CREBBP: variants seen among roughly 807,000 people sequenced by gnomAD.
CREBBP encodes the protein CREB binding lysine acetyltransferase.
Under a neutral mutation model 265.0 loss-of-function variants are expected in CREBBP, and 19 were observed. The ratio of observed to expected loss-of-function variants is 0.07; its 90% CI spans 0.05 to 0.11. The LOEUF (loss-of-function observed/expected upper bound fraction) is 0.11. Ranked by LOEUF, CREBBP falls within the 10% of genes least tolerant of loss-of-function variation. The pLI is 1.00. For missense variants in CREBBP, 2,525 were observed against 3,219.0 expected (o/e 0.78, Z 5.22); for synonymous variants, 1,457 against 1,223.7 (o/e 1.19, Z -3.98).
chr16:3,870,658 A>C (rs2055274946), intron 1 of CREBBP, among the ~76,000 whole-genome samples: 1 of 152,230 alleles, frequency 6.6e-6, no homozygotes, highest in African/African-American at 2.4e-5. Flanking sequence ...CTGAAAGCCA[A>C]ACAGGCAGGG....
At chr16:3,826,093 G>A (rs1047885281) in intron 2 of CREBBP, among the ~76,000 whole-genome samples, 1 of 152,168 alleles carries the variant, frequency 6.6e-6, no homozygotes, top group Admixed American at 6.5e-5. Context: ...TGAGCCTGTA[G>A]TCCCAGCTCC....
intron 2 of CREBBP, among the ~76,000 whole-genome samples, chr16:3,835,178 CA>C (rs1449334224): frequency 6.6e-6 from 1 of 151,716 alleles, no homozygotes; most frequent in Non-Finnish European, 1.5e-5. Flanking sequence ...ACAAAACAAA[CA>C]AACAAAAAAG....
Position 3,728,064 on chromosome 16 carries a change from G to A in CREBBP, c.6983C>T (p.Ser2328Leu), listed in dbSNP as rs1567259787. The A allele has an allele frequency of 3.7e-6, 6 of 1,613,808 alleles. No homozygotes were observed. Among genetic ancestry groups the A allele is most frequent in the Admixed American group, 1.7e-5 (1 of 60,022 alleles). ...QHMLSGQPQA[S>L]HLPGQQIATS... ...GGCGATCTGCTGGCCAGGGAGATGCGAGGCCTGTGGCTGTCCTGAGAGCAT... is the reference window on the plus strand; with the variant it reads ...GGCGATCTGCTGGCCAGGGAGATGCAAGGCCTGTGGCTGTCCTGAGAGCAT... The change falls in exon 31 of 31, where the codon TCG becomes TTG. Residue 2328 changes from serine (S) to leucine (L), a missense_variant. Transcript: ENST00000262367. The surrounding 1 kb of genome is among the most constrained non-coding windows in gnomAD (Gnocchi z 8.7).
chr16:3,725,558 C>T lies in CREBBP; in HGVS notation c.*2160G>A. 4.3e-6 allele frequency: 1 copy of T among 233,338 alleles called. No homozygotes were observed. The highest frequency in any genetic ancestry group is 8.5e-6 in the Non-Finnish European group (1 of 118,078). The allele number at this position is 233,338 out of a possible 1,614,324, so 14.5% of individuals were successfully genotyped here. A position where few individuals can be genotyped will look rare whatever the true frequency, so the allele number is the denominator to read the frequency against. On this transcript the variant is annotated 3_prime_UTR_variant, in exon 31 of 31. Coordinates refer to ENST00000262367, the MANE Select transcript of CREBBP (RefSeq NM_004380.3). Reference sequence around the variant, plus strand: ...CAGCAGGCCGAGCAGTGGCAGCAATCTCCACCGGAGGCCCGGCCTGTGCTT... The same window carrying T: ...CAGCAGGCCGAGCAGTGGCAGCAATTTCCACCGGAGGCCCGGCCTGTGCTT...
chr16:3,815,249 G>C (rs1227984435), intron 2 of CREBBP, among the ~76,000 whole-genome samples: 1 of 152,106 alleles, frequency 6.6e-6, no homozygotes, highest in East Asian at 1.9e-4. Context: ...ACAGGTACTT[G>C]ATAATAGTTT....
chr16:3,729,578 G>A lies in CREBBP; in HGVS notation c.5469C>T (p.Ile1823=), dbSNP rs757233262. ...GCTTGGCGTGGTAGCAGCAGAGGGC[G>A]ATGAGCTGCTTGCACACCGGGCAGC... ...NGGCPVCKQL[I]ALCCYHAKHC... Residue 1823 remains isoleucine, a synonymous_variant, in exon 31 of 31, where the codon ATC becomes ATT. Coordinates refer to ENST00000262367, the MANE Select transcript of CREBBP (RefSeq NM_004380.3). The A allele has an allele frequency of 9.3e-6, 15 of 1,614,188 alleles. No homozygotes were observed. The South Asian group carries it at 1.1e-4, about 12-fold the overall frequency.
chr16:3,812,015 T>C (rs187311825), intron 2 of CREBBP, among the ~76,000 whole-genome samples: 66 of 151,858 alleles, frequency 4.3e-4, no homozygotes, highest in African/African-American at 1.6e-3. Flanking sequence ...AACCCCTGAG[T>C]TGCTTAAGGG....
rs1363822887 is a variant in CREBBP, at chr16:3,731,724, T to C, written c.4890+52A>G. 2.5e-6 allele frequency: 4 copies of C among 1,612,370 alleles called. No individual in the cohort carries two copies. The highest frequency in any genetic ancestry group is 2.2e-5 in the East Asian group (1 of 44,882). ...GGCCCACGCCCGCCAGCTGCGAGTC[T>C]TTCCCTCCTCCCGGCCAGAGGCACG... On this transcript the variant is annotated intron_variant, in intron 29 of 30. Coordinates refer to ENST00000262367, the MANE Select transcript of CREBBP (RefSeq NM_004380.3). This position sits in a 1 kb window ranked among gnomAD's most constrained non-coding sequence, Gnocchi z 7.7.
Position 3,868,435 on chromosome 16 carries a change from AAC to A in CREBBP, c.85+11395_85+11396del, listed in dbSNP as rs1211048466. Among the ~76,000 whole-genome samples, 2 of 129,314 alleles carry A rather than the reference AAC, an allele frequency of 1.5e-5. 1 individual carries two copies. Among genetic ancestry groups the A allele is most frequent in the Non-Finnish European group, 3.6e-5 (2 of 55,178 alleles). The allele number at this position is 129,314 out of a possible 152,430, so 84.8% of individuals were successfully genotyped here. A position where few individuals can be genotyped will look rare whatever the true frequency, so the allele number is the denominator to read the frequency against. On this transcript the variant is annotated intron_variant, in intron 1 of 30. Transcript: ENST00000262367. ...CTACAGACCTGAACTTGGATGAAAA[AAC>A]ACACCTTGAAAAAGCTAATCTAGAC...
chr16:3,875,362 A>G (rs1015372626), intron 1 of CREBBP, among the ~76,000 whole-genome samples: 1 of 152,200 alleles, frequency 6.6e-6, no homozygotes, highest in African/African-American at 2.4e-5. Flanking sequence ...AAAAGTCTCT[A>G]TGACAACTTT....
intron 2 of CREBBP, among the ~76,000 whole-genome samples, chr16:3,840,103 T>C (rs1381541708): frequency 6.6e-6 from 1 of 152,242 alleles, no homozygotes; most frequent in Non-Finnish European, 1.5e-5. Flanking sequence ...AGTTTCATTC[T>C]ACAAACTATT....
At chr16:3,732,751 A>G (rs2151321528) in intron 28 of CREBBP, among the ~76,000 whole-genome samples, 1 of 151,840 alleles carries the variant, frequency 6.6e-6, no homozygotes, top group South Asian at 2.1e-4. Context: ...CCCAAGCTGA[A>G]GTGCAATAAC....
intron 16 of CREBBP, among the ~76,000 whole-genome samples, chr16:3,759,230 T>C (rs1317310443): frequency 2.0e-5 from 3 of 152,160 alleles, no homozygotes; most frequent in East Asian, 1.9e-4. Context: ...CATTAAAAAC[T>C]TGGCTGAAAA....
chr16:3,820,148 C>T (rs1276280619), intron 2 of CREBBP, among the ~76,000 whole-genome samples: 5 of 152,206 alleles, frequency 3.3e-5, no homozygotes, highest in South Asian at 4.1e-4. Context: ...CCCCAGACTA[C>T]GGCCAGATCA....
At position 3,745,244 on chromosome 16, in the gene CREBBP, GAACTGCCCTCCAGGCC is replaced by G. The variant is rs766055737; in HGVS notation, c.3914+17_3914+32del. 1.9e-6 allele frequency: 3 copies of G among 1,598,818 alleles called. No individual in the cohort carries two copies. Among genetic ancestry groups the G allele is most frequent in the Non-Finnish European group, 2.6e-6 (3 of 1,168,680 alleles). ...ACTGCCCCGCCACTGGCTCTGTGCA[GAACTGCCCTCCAGGCC>G]AGGGGAAACAACTCACCCTGAAGGC... is the stretch of plus-strand genomic sequence containing the variant. On this transcript the variant is annotated intron_variant, in intron 22 of 30. Transcript: ENST00000262367.
intron 1 of CREBBP, among the ~76,000 whole-genome samples, chr16:3,852,978 A>G (rs2054884751): frequency 6.6e-6 from 1 of 152,012 alleles, no homozygotes; most frequent in Non-Finnish European, 1.5e-5. Flanking sequence ...AAAAAAAAAA[A>G]AAAGCACAAA....
rs2051708799 is a variant in CREBBP, at chr16:3,725,107, G to A, written c.*2611C>T. On this transcript the variant is annotated 3_prime_UTR_variant, in exon 31 of 31. Coordinates refer to ENST00000262367, the MANE Select transcript of CREBBP (RefSeq NM_004380.3). ...TATTATAAACACCATCACATTTCAA[G>A]TTTCCTCTTTTTGATCACAAATATA... The A allele has an allele frequency of 4.3e-6, 1 of 233,172 alleles. No individual in the cohort carries two copies. The highest frequency in any genetic ancestry group is 8.5e-6 in the Non-Finnish European group (1 of 117,808). The allele number at this position is 233,172 out of a possible 1,614,324, so 14.4% of individuals were successfully genotyped here. A position where few individuals can be genotyped will look rare whatever the true frequency, so the allele number is the denominator to read the frequency against.
chr16:3,842,655 CAG>C (rs1216461172), intron 2 of CREBBP, among the ~76,000 whole-genome samples: 1 of 151,922 alleles, frequency 6.6e-6, no homozygotes, highest in Non-Finnish European at 1.5e-5. Context: ...TAAATATTTT[CAG>C]AGTCACATAA....
rs2151354042 is a variant in CREBBP, at chr16:3,744,928, G to A, written c.3948C>T (p.Gly1316=). 6.2e-7 allele frequency: 1 copy of A among 1,613,978 alleles called. No homozygotes were observed. The highest frequency in any genetic ancestry group is 1.1e-5 in the South Asian group (1 of 91,072). Residue 1316 remains glycine (G), a synonymous_variant, in exon 23 of 31, where the codon GGC becomes GGT. Transcript: ENST00000262367. ...TGAATTTGTTTTCTTTTCGAGGTCT[G>A]CCAGTTTTCTTCAAGCAGTTGTCGC... ...FVCDNCLKKT[G]RPRKENKFSA... is the part of the protein sequence containing the mutation.
Sources: allele counts gnomAD v4.1 joint callset (sites outside exome capture counted in the v4.1 genomes callset), GRCh38; gene constraint gnomAD v4.1.1; non-coding constraint Gnocchi (gnomAD v3.1); transcripts MANE v1.5; gene names NCBI Gene and HGNC (gene_info 2026-07-23, HGNC 2026-07-21).